The following RAD51B variants were observed in gnomAD, a reference collection of about 807,000 sequenced individuals.
RAD51B encodes the protein RAD51 paralog B.
A neutral mutation model predicts 42.2 loss-of-function variants in RAD51B; 38 were observed. That is an observed-to-expected ratio of 0.90 (90% CI 0.70 to 1.18). The LOEUF (loss-of-function observed/expected upper bound fraction) is 1.18. RAD51B is among the 50% of genes most tolerant of loss of function. The probability of loss-of-function intolerance (pLI) is 0.00; values close to 1 mark genes in which losing one functional copy is unlikely to be tolerated. For synonymous variants in RAD51B, 154 were observed against 145.2 expected (o/e 1.06, Z -0.43); for missense variants, 373 against 400.7 (o/e 0.93, Z 0.59).
chr14:68,682,970 G>A, intron 11 of RAD51B: 2 of 911,662 alleles, frequency 2.2e-6, no homozygotes, highest in Non-Finnish European at 2.6e-6. Context: ...GGGGAAGGAA[G>A]CCAGGAGAAA....
At chr14:68,301,592 G>GTTTTTTTTT (rs139865933) in intron 8 of RAD51B, among the ~76,000 whole-genome samples, 3 of 109,776 alleles carry the variant, frequency 2.7e-5, no homozygotes, top group Non-Finnish European at 3.7e-5. Flanking sequence ...TTGTTTGTGT[G>GTTTTTTTTT]TTTTTTTTTT....
intron 7 of RAD51B, among the ~76,000 whole-genome samples, chr14:67,988,007 C>T (rs1290983578): frequency 6.6e-6 from 1 of 151,868 alleles, no homozygotes; most frequent in Non-Finnish European, 1.5e-5. Context: ...GTATTAAAAC[C>T]AAACCAAGCA....
At chr14:68,109,189 G>A (rs1465234120) in intron 7 of RAD51B, among the ~76,000 whole-genome samples, 1 of 151,882 alleles carries the variant, frequency 6.6e-6, no homozygotes, top group Admixed American at 6.6e-5. Flanking sequence ...ATTATTCATG[G>A]CATTTGATGA....
intron 10 of RAD51B, among the ~76,000 whole-genome samples, chr14:68,556,718 A>G (rs1319951197): frequency 6.6e-6 from 1 of 152,176 alleles, no homozygotes; most frequent in Non-Finnish European, 1.5e-5. Context: ...ATTTGCAGTT[A>G]CATATGTTTC....
intron 7 of RAD51B, among the ~76,000 whole-genome samples, chr14:68,234,519 G>A (rs2080207858): frequency 6.6e-6 from 1 of 152,202 alleles, no homozygotes; most frequent in African/African-American, 2.4e-5. Flanking sequence ...CACCTTGGCT[G>A]GATGGTACAG....
At chr14:68,583,024 T>C (rs1169536650) in intron 10 of RAD51B, among the ~76,000 whole-genome samples, 1 of 152,026 alleles carries the variant, frequency 6.6e-6, no homozygotes, top group Non-Finnish European at 1.5e-5. Context: ...AGGGGAGGGA[T>C]AGCATTAGGA....
At chr14:68,431,438 T>C (rs1472485527) in intron 9 of RAD51B, among the ~76,000 whole-genome samples, 1 of 152,224 alleles carries the variant, frequency 6.6e-6, no homozygotes, top group Non-Finnish European at 1.5e-5. Context: ...AGCCTGTTAT[T>C]AGTCTATTCA....
At chr14:68,021,036 G>T (rs539623771) in intron 7 of RAD51B, among the ~76,000 whole-genome samples, 5 of 152,260 alleles carry the variant, frequency 3.3e-5, no homozygotes, top group Middle Eastern at 3.4e-3. Context: ...AGAGGACCTG[G>T]GGAAATAACC....
At chr14:68,356,427 T>G (rs1478847663) in intron 8 of RAD51B, among the ~76,000 whole-genome samples, 3 of 84,972 alleles carry the variant, frequency 3.5e-5, no homozygotes, top group African/African-American at 9.1e-5. Context: ...AGAGCGAGAC[T>G]CCGTCTCAAA....
intron 7 of RAD51B, among the ~76,000 whole-genome samples, chr14:68,081,759 A>T (rs9323502): frequency 0.3 from 46,078 of 151,852 alleles, 9,757 homozygotes; most frequent in African/African-American, 0.61. Context: ...TCTAGGGGAG[A>T]ACACAGATGG....
At chr14:67,971,483 TTTCC>T (rs1171294462) in intron 7 of RAD51B, among the ~76,000 whole-genome samples, 1 of 152,136 alleles carries the variant, frequency 6.6e-6, no homozygotes, top group Non-Finnish European at 1.5e-5. Context: ...TTGTTCTTCC[TTTCC>T]TTCTCTGCAA....
chr14:67,892,247 G>C (rs1479617500), intron 7 of RAD51B, among the ~76,000 whole-genome samples: 1 of 152,076 alleles, frequency 6.6e-6, no homozygotes, highest in Non-Finnish European at 1.5e-5. Flanking sequence ...TCACAGTCTA[G>C]ACTAAACCTT....
chr14:68,135,373 C>T (rs768864457), intron 7 of RAD51B, among the ~76,000 whole-genome samples: 6 of 152,298 alleles, frequency 3.9e-5, no homozygotes, highest in African/African-American at 9.6e-5. Flanking sequence ...AGTGCAGCAA[C>T]GTCCCATGTT....
intron 4 of RAD51B, among the ~76,000 whole-genome samples, chr14:67,848,548 G>A (rs2041699915): frequency 6.6e-6 from 1 of 151,924 alleles, no homozygotes; most frequent in Admixed American, 6.6e-5. Flanking sequence ...TTACCATTCT[G>A]TGTCTTTTAA....
chr14:68,604,771 G>A lies in RAD51B; in HGVS notation c.1037-6235G>A, dbSNP rs1204807695. ...TCAGGCTCACTGAGGACAGGGCCAC[G>A]CTGCTCTGGTCTCATGTACTTTTGT... On this transcript the variant is annotated intron_variant, in intron 10 of 10. Coordinates refer to the RAD51B transcript ENST00000487861. Among the ~76,000 whole-genome samples, 9 of 149,228 alleles carry A rather than the reference G, an allele frequency of 6.0e-5. No individual in the cohort carries two copies. In the South Asian group the frequency reaches 1.1e-3, roughly 17 times the overall value.
intron 7 of RAD51B, among the ~76,000 whole-genome samples, chr14:67,890,999 C>T (rs573713162): frequency 4.6e-5 from 7 of 152,142 alleles, no homozygotes; most frequent in African/African-American, 1.2e-4. Context: ...AGGACTTTCA[C>T]CTTTTGAAAA....
chr14:68,488,292 G>A (rs148344672), intron 10 of RAD51B, among the ~76,000 whole-genome samples: 49 of 150,478 alleles, frequency 3.3e-4, no homozygotes, highest in Non-Finnish European at 6.0e-4. Context: ...AAGAGGCCAG[G>A]TGCAATAATA....
At chr14:68,578,352 A>G (rs1293825483) in intron 10 of RAD51B, among the ~76,000 whole-genome samples, 1 of 152,214 alleles carries the variant, frequency 6.6e-6, no homozygotes, top group Admixed American at 6.5e-5. Flanking sequence ...TGGAGGTTGT[A>G]GTGAACGGAG....
intron 8 of RAD51B, among the ~76,000 whole-genome samples, chr14:68,293,737 G>T (rs2081559254): frequency 6.6e-6 from 1 of 152,052 alleles, no homozygotes; most frequent in African/African-American, 2.4e-5. Flanking sequence ...TTTCCTCTGT[G>T]GCCGCTCTAT....
Sources: allele counts gnomAD v4.1 joint callset (sites outside exome capture counted in the v4.1 genomes callset), GRCh38; gene constraint gnomAD v4.1.1; transcripts MANE v1.5; gene names NCBI Gene and HGNC (gene_info 2026-07-23, HGNC 2026-07-21).